The following CDH10 variants were observed in gnomAD, a reference collection of about 807,000 sequenced individuals.
The protein encoded by CDH10 is cadherin-10.
Under a neutral mutation model 73.1 loss-of-function variants are expected in CDH10, and 30 were observed. The ratio of observed to expected loss-of-function variants is 0.41; its 90% CI spans 0.31 to 0.56. CDH10 has a LOEUF of 0.56. Among genes scored for constraint, CDH10 ranks in the 20% least tolerant of loss-of-function variants. The pLI is 0.27. For missense variants in CDH10, 815 were observed against 973.7 expected (o/e 0.84, Z 2.17); for synonymous variants, 345 against 348.2 (o/e 0.99, Z 0.10).
At chr5:24,638,068 T>C (rs1340826742) in intron 1 of CDH10, among the ~76,000 whole-genome samples, 2 of 151,738 alleles carry the variant, frequency 1.3e-5, no homozygotes, top group African/African-American at 4.8e-5. Flanking sequence ...TCATACTCTA[T>C]ATGATGGCAA....
At chr5:24,619,502 T>C (rs1043546495) in intron 1 of CDH10, among the ~76,000 whole-genome samples, 5 of 152,108 alleles carry the variant, frequency 3.3e-5, no homozygotes, top group African/African-American at 1.2e-4. Context: ...CTGATTTAGA[T>C]GATATTTAGA....
At chr5:24,559,391 A>C (rs1443860423) in intron 2 of CDH10, among the ~76,000 whole-genome samples, 1 of 151,990 alleles carries the variant, frequency 6.6e-6, no homozygotes, top group Admixed American at 6.6e-5. Flanking sequence ...AAACATTCAC[A>C]ATAAATTATC....
At chr5:24,528,882 T>G (rs1158315103) in intron 5 of CDH10, among the ~76,000 whole-genome samples, 2 of 152,002 alleles carry the variant, frequency 1.3e-5, no homozygotes, top group African/African-American at 4.8e-5. Flanking sequence ...AACCTGCTTC[T>G]TATTTATTTC....
At chr5:24,626,455 G>A (rs1747503298) in intron 1 of CDH10, among the ~76,000 whole-genome samples, 1 of 152,062 alleles carries the variant, frequency 6.6e-6, no homozygotes, top group Non-Finnish European at 1.5e-5. Context: ...AAACATGAAA[G>A]TAATTTGATA....
intron 5 of CDH10, among the ~76,000 whole-genome samples, chr5:24,517,418 G>T (rs1176544112): frequency 6.6e-6 from 1 of 152,032 alleles, no homozygotes; most frequent in Admixed American, 6.6e-5. Flanking sequence ...GTGGGAATAG[G>T]ATTTCTTCTT....
intron 2 of CDH10, among the ~76,000 whole-genome samples, chr5:24,592,593 CCAACCA>C (rs1746237159): frequency 6.6e-6 from 1 of 151,740 alleles, no homozygotes; most frequent in Admixed American, 6.6e-5. Flanking sequence ...CATTTCATTT[CCAACCA>C]CAACTAATTA....
intron 8 of CDH10, among the ~76,000 whole-genome samples, chr5:24,504,390 CCTTT>C (rs1476427721): frequency 3.3e-5 from 5 of 151,600 alleles, no homozygotes; most frequent in South Asian, 4.2e-4. Context: ...TTCACTATTG[CCTTT>C]CTTTGTCATC....
chr5:24,528,435 A>T (rs139318708), intron 5 of CDH10, among the ~76,000 whole-genome samples: 303 of 151,992 alleles, frequency 2.0e-3, no homozygotes, highest in Middle Eastern at 0.01. Flanking sequence ...GAAAATCAGC[A>T]CTTATTAAAT....
At chr5:24,489,484 T>C (rs1741970651) in intron 11 of CDH10, among the ~76,000 whole-genome samples, 1 of 152,154 alleles carries the variant, frequency 6.6e-6, no homozygotes, top group South Asian at 2.1e-4. Context: ...CCTAAATTCA[T>C]ATATTTATGC....
intron 2 of CDH10, among the ~76,000 whole-genome samples, chr5:24,587,330 T>A (rs79884623): frequency 0.056 from 8,586 of 152,220 alleles, 353 homozygotes; most frequent in African/African-American, 0.11. Context: ...ATAACAAACA[T>A]CCCTCTCTTT....
chr5:24,537,945 T>A (rs973658304), intron 2 of CDH10, among the ~76,000 whole-genome samples: 15 of 152,156 alleles, frequency 9.9e-5, no homozygotes, highest in African/African-American at 3.6e-4. Flanking sequence ...TAAATATTCA[T>A]TTTTATGGGC....
Position 24,632,130 on chromosome 5 carries a change from G to A in CDH10, c.-124+12464C>T, listed in dbSNP as rs996753396. Among the ~76,000 whole-genome samples, 6 of 152,134 alleles carry A rather than the reference G, an allele frequency of 3.9e-5. No homozygotes were observed. The East Asian group carries it at 5.8e-4, about 15-fold the overall frequency. On this transcript the variant is annotated intron_variant, in intron 1 of 11. Transcript: ENST00000264463. ...TTAGACAAAAATTGAGAAGGAAGTA[G>A]ATATTTCTAGCTAAAATTATTTTGG...
At position 24,617,013 on chromosome 5, in the gene CDH10, A is replaced by T. The variant is rs191101624; in HGVS notation, c.-123-23400T>A. ...GAAAACACATATTCCTTCAGTCAAA[A>T]ATCTTTGCATCAGTTATTACGAAAG... is the stretch of plus-strand genomic sequence containing the variant. On this transcript the variant is annotated intron_variant, in intron 1 of 11. Coordinates refer to ENST00000264463, the MANE Select transcript of CDH10 (RefSeq NM_006727.5). Among the ~76,000 whole-genome samples the T allele has an allele frequency of 3.7e-4, 56 of 152,250 alleles. No homozygotes were observed. The Middle Eastern group carries it at 0.01, about 28-fold the overall frequency.
At chr5:24,632,771 TC>T (rs1338820191) in intron 1 of CDH10, among the ~76,000 whole-genome samples, 4 of 151,942 alleles carry the variant, frequency 2.6e-5, no homozygotes, top group African/African-American at 9.7e-5. Flanking sequence ...GTTAATTAAA[TC>T]AAATCATCCC....
chr5:24,491,777 T>A lies in CDH10; in HGVS notation c.1675A>T (p.Ile559Phe). Residue 559 changes from isoleucine (I) to phenylalanine (F), a missense_variant, in exon 11 of 12, where the codon ATC (isoleucine) becomes TTC (phenylalanine). Ile to Phe is a conservative substitution (Grantham distance 21). Transcript: ENST00000264463. ...TRKNGFNRHE[I>F]STYLLPVVIS... ...ACCACAGGCAAGAGATAGGTACTGA[T>A]TTCATGTCTATTGAATCCATTTTTT... The A allele has an allele frequency of 1.2e-6, 2 of 1,607,818 alleles. No individual in the cohort carries two copies. Among genetic ancestry groups the A allele is most frequent in the Non-Finnish European group, 1.7e-6 (2 of 1,174,340 alleles).
At chr5:24,515,960 A>G (rs2319472) in intron 5 of CDH10, among the ~76,000 whole-genome samples, 144,913 of 152,186 alleles carry the variant, frequency 0.95, 69,080 homozygotes, top group East Asian at 1. Flanking sequence ...TTGCTCTTCC[A>G]CCATGACTAT....
At chr5:24,570,351 A>G (rs28727557) in intron 2 of CDH10, among the ~76,000 whole-genome samples, 2,261 of 152,212 alleles carry the variant, frequency 0.015, 71 homozygotes, top group African/African-American at 0.052. Flanking sequence ...CAGTTGTACG[A>G]AATCCCTTTC....
chr5:24,572,120 G>A (rs985808071), intron 2 of CDH10, among the ~76,000 whole-genome samples: 4 of 152,106 alleles, frequency 2.6e-5, no homozygotes, highest in African/African-American at 9.7e-5. Context: ...CTTTTGTGAA[G>A]TCTATATTAT....
chr5:24,558,809 C>T (rs969638070), intron 2 of CDH10, among the ~76,000 whole-genome samples: 5 of 151,774 alleles, frequency 3.3e-5, no homozygotes, highest in South Asian at 4.1e-4. Flanking sequence ...AGAATCAGGA[C>T]GTTTAATCAT....
Sources: allele counts gnomAD v4.1 joint callset (sites outside exome capture counted in the v4.1 genomes callset), GRCh38; gene constraint gnomAD v4.1.1; transcripts MANE v1.5; gene names NCBI Gene and HGNC (gene_info 2026-07-23, HGNC 2026-07-21).